GPC5: variants seen among roughly 807,000 people sequenced by gnomAD.
The protein encoded by GPC5 is glypican-5.
In GPC5, 47 loss-of-function variants were observed where a neutral mutation model predicts 53.9. That is an observed-to-expected ratio of 0.87 (90% CI 0.69 to 1.11). The LOEUF (loss-of-function observed/expected upper bound fraction) is 1.11. GPC5 is among the 50% of genes most tolerant of loss of function. The pLI is 0.00. For missense variants in GPC5, 748 were observed against 713.1 expected (o/e 1.05, Z -0.56); for synonymous variants, 286 against 263.3 (o/e 1.09, Z -0.84).
At chr13:92,002,629 G>A (rs1308150753) in intron 6 of GPC5, among the ~76,000 whole-genome samples, 1 of 152,256 alleles carries the variant, frequency 6.6e-6, no homozygotes, top group African/African-American at 2.4e-5. Flanking sequence ...AAAAACGTAT[G>A]CAAAGAATTA....
intron 7 of GPC5, among the ~76,000 whole-genome samples, chr13:92,493,146 T>C (rs1203118376): frequency 6.6e-6 from 1 of 152,224 alleles, no homozygotes; most frequent in East Asian, 1.9e-4. Context: ...AGAAATTATG[T>C]TTTAAAAATT....
chr13:91,864,617 G>A (rs1277896983), intron 5 of GPC5, among the ~76,000 whole-genome samples: 1 of 152,034 alleles, frequency 6.6e-6, no homozygotes, highest in African/African-American at 2.4e-5. Context: ...ATGAGCAAAA[G>A]TTGTTTAAGT....
intron 5 of GPC5, among the ~76,000 whole-genome samples, chr13:91,880,353 T>C (rs1311559423): frequency 6.6e-6 from 1 of 152,096 alleles, no homozygotes; most frequent in Admixed American, 6.5e-5. Context: ...TATTTTTCCG[T>C]ATTATGGGCT....
chr13:91,458,244 G>A (rs604939), intron 2 of GPC5, among the ~76,000 whole-genome samples: 140,073 of 152,074 alleles, frequency 0.92, 65,567 homozygotes, highest in East Asian at 1. Context: ...GCATGTGTGG[G>A]GCATACGGAG....
chr13:92,518,618 C>T (rs1164644129), intron 7 of GPC5, among the ~76,000 whole-genome samples: 1 of 152,138 alleles, frequency 6.6e-6, no homozygotes, highest in Non-Finnish European at 1.5e-5. Flanking sequence ...ACAAGAGGCT[C>T]CTGAAGGAAA....
chr13:91,742,661 A>T (rs1321381432), intron 4 of GPC5, among the ~76,000 whole-genome samples: 4 of 152,190 alleles, frequency 2.6e-5, no homozygotes, highest in Non-Finnish European at 2.9e-5. Flanking sequence ...ATTACTGGAA[A>T]TTATAGAAAA....
At chr13:91,483,216 G>A (rs971931570) in intron 2 of GPC5, among the ~76,000 whole-genome samples, 1 of 152,150 alleles carries the variant, frequency 6.6e-6, no homozygotes, top group Non-Finnish European at 1.5e-5. Context: ...GATAAAACGA[G>A]TTTTCCTCAA....
chr13:92,449,314 C>G (rs1468203774), intron 7 of GPC5, among the ~76,000 whole-genome samples: 1 of 152,108 alleles, frequency 6.6e-6, no homozygotes, highest in East Asian at 1.9e-4. Flanking sequence ...CCCTTGACCT[C>G]TGCACTTTGA....
intron 6 of GPC5, among the ~76,000 whole-genome samples, chr13:91,908,833 G>A (rs1244289881): frequency 2.0e-5 from 3 of 151,782 alleles, no homozygotes; most frequent in African/African-American, 7.3e-5. Flanking sequence ...TTTTTCCTAA[G>A]CAAAACTTTG....
chr13:92,295,438 G>A (rs374624015), intron 7 of GPC5, among the ~76,000 whole-genome samples: 18 of 151,914 alleles, frequency 1.2e-4, no homozygotes, highest in African/African-American at 3.6e-4. Flanking sequence ...GTGTCCTATC[G>A]TAGGTCTATC....
At chr13:92,284,125 A>T (rs1490670873) in intron 7 of GPC5, among the ~76,000 whole-genome samples, 1 of 152,230 alleles carries the variant, frequency 6.6e-6, no homozygotes, top group Non-Finnish European at 1.5e-5. Context: ...ATGCAAATAA[A>T]CTAGAAAATC....
At chr13:92,131,984 T>C (rs2138963187) in intron 6 of GPC5, among the ~76,000 whole-genome samples, 1 of 152,264 alleles carries the variant, frequency 6.6e-6, no homozygotes, top group African/African-American at 2.4e-5. Context: ...TACAATATTA[T>C]TTTTATATCC....
intron 6 of GPC5, among the ~76,000 whole-genome samples, chr13:92,039,185 T>C (rs2040922216): frequency 6.6e-6 from 1 of 152,212 alleles, no homozygotes; most frequent in South Asian, 2.1e-4. Context: ...CTGAAGATTG[T>C]TGCCAAAATT....
At chr13:92,205,148 G>T (rs1288611721) in intron 7 of GPC5, among the ~76,000 whole-genome samples, 1 of 149,616 alleles carries the variant, frequency 6.7e-6, no homozygotes, top group East Asian at 1.9e-4. Context: ...AGAGTGCTGG[G>T]ATTACAGGCC....
chr13:92,082,156 A>G (rs1162584065), intron 6 of GPC5, among the ~76,000 whole-genome samples: 1 of 152,104 alleles, frequency 6.6e-6, no homozygotes, highest in African/African-American at 2.4e-5. Flanking sequence ...ATCATTTCCT[A>G]GTACTGAATT....
chr13:91,888,729 A>G (rs2039353062), intron 5 of GPC5, among the ~76,000 whole-genome samples: 1 of 152,144 alleles, frequency 6.6e-6, no homozygotes, highest in South Asian at 2.1e-4. Flanking sequence ...AAATAATCTT[A>G]AATGGCCCGT....
chr13:91,974,589 A>G (rs2040279341), intron 6 of GPC5, among the ~76,000 whole-genome samples: 1 of 152,174 alleles, frequency 6.6e-6, no homozygotes, highest in African/African-American at 2.4e-5. Flanking sequence ...TTCAAGGAGA[A>G]CTACAAACCA....
intron 7 of GPC5, among the ~76,000 whole-genome samples, chr13:92,474,827 A>T (rs1443302446): frequency 6.6e-6 from 1 of 152,130 alleles, no homozygotes; most frequent in Non-Finnish European, 1.5e-5. Context: ...ATCTGTTTTA[A>T]CAAAGTGAAG....
intron 7 of GPC5, among the ~76,000 whole-genome samples, chr13:92,613,330 A>ATAAATATATAATATATTTATATATAAT (rs1173655761): frequency 2.0e-5 from 2 of 99,210 alleles, no homozygotes; most frequent in African/African-American, 8.4e-5. Context: ...ATATTTATAT[A>ATAAATATATAATATATTTATATATAAT]ATATAATATA....
Sources: gnomAD v4.1 joint callset for allele counts (sites outside exome capture counted in the v4.1 genomes callset) on GRCh38, gnomAD v4.1.1 for gene constraint, MANE v1.5 for transcripts, NCBI Gene and HGNC (gene_info 2026-07-23, HGNC 2026-07-21) for gene names.